Variants in CALML4 observed in about 807,000 individuals in gnomAD.
CALML4 encodes calmodulin-like protein 4.
A neutral mutation model predicts 17.9 loss-of-function variants in CALML4; 16 were observed. The ratio of observed to expected loss-of-function variants is 0.89; its 90% CI spans 0.61 to 1.36. The LOEUF (loss-of-function observed/expected upper bound fraction) is 1.36. CALML4 is among the 40% of genes most tolerant of loss of function. The pLI is 0.00. For missense variants in CALML4, 203 were observed against 194.8 expected, an observed-to-expected ratio of 1.04 and a Z score of -0.25; for synonymous variants, 86 against 71.5, an observed-to-expected ratio of 1.20 and a Z score of -1.02.
In CALML4 at chr15:68,200,132, C is replaced by A. The variant is rs948117738; in HGVS notation, c.35-451G>T. On this transcript the variant is annotated intron_variant, in intron 2 of 4. Coordinates refer to ENST00000467889, the MANE Select transcript of CALML4 (RefSeq NM_033429.3). The surrounding 1 kb of genome is among the most constrained non-coding windows in gnomAD (Gnocchi z 4.3). ...AGGAACCCACAGCAAGGCGTCCAGA[C>A]CCCCAGGGGACCTCTGCAAACACAA... is the stretch of plus-strand genomic sequence containing the variant. Among the ~76,000 whole-genome samples the A allele has an allele frequency of 6.6e-6, 1 of 152,152 alleles. No individual in the cohort carries two copies. The highest frequency in any genetic ancestry group is 1.5e-5 in the Non-Finnish European group (1 of 68,044).
intron 4 of CALML4, among the ~76,000 whole-genome samples, chr15:68,194,802 T>G (rs995108211): frequency 7.9e-5 from 12 of 151,972 alleles, no homozygotes; most frequent in Non-Finnish European, 1.8e-4. Flanking sequence ...AGAGCGAACA[T>G]CCTCCACAGT....
chr15:68,194,556 G>C (rs551972505), intron 4 of CALML4, among the ~76,000 whole-genome samples: 1 of 152,032 alleles, frequency 6.6e-6, no homozygotes, highest in African/African-American at 2.4e-5. Context: ...GCTAATTTTT[G>C]TATTTTTAGT....
At chr15:68,205,655 G>A (rs563849483), upstream of CALML4, 40 of 433,836 alleles carry the variant, frequency 9.2e-5, no homozygotes, top group South Asian at 6.7e-4. The surrounding 1 kb of genome is among the most constrained non-coding windows in gnomAD (Gnocchi z 4.8). Context: ...ACCCCGGGTC[G>A]TATTGAAGGC....
At chr15:68,194,467 T>G (rs577283464) in intron 4 of CALML4, among the ~76,000 whole-genome samples, 1 of 150,298 alleles carries the variant, frequency 6.7e-6, no homozygotes, top group African/African-American at 2.5e-5. Flanking sequence ...CACTGCAACC[T>G]CCGCCTCCCA....
rs1369046882 is a variant in CALML4, at chr15:68,197,120, T to G, written c.364+320A>C. 1.4e-5 allele frequency among the ~76,000 whole-genome samples: 2 copies of G among 146,036 alleles called. No homozygotes were observed. Among genetic ancestry groups the G allele is most frequent in the Non-Finnish European group, 3.1e-5 (2 of 65,546 alleles). On this transcript the variant is annotated intron_variant, in intron 4 of 4. Coordinates refer to ENST00000467889, the MANE Select transcript of CALML4 (RefSeq NM_033429.3). The surrounding 1 kb of genome is among the most constrained non-coding windows in gnomAD (Gnocchi z 4.1). ...GCTCCCAGGGGTGTCATGCACTAGA[T>G]GAAGCCCCACAGTGAGAGCTTGAAC...
At chr15:68,203,847 C>T (rs1458126688) in intron 2 of CALML4, among the ~76,000 whole-genome samples, 1 of 152,192 alleles carries the variant, frequency 6.6e-6, no homozygotes, top group Non-Finnish European at 1.5e-5. Context: ...ACTCATTAAA[C>T]ACTGGTGGCC....
At position 68,199,696 on chromosome 15, in the gene CALML4, G is replaced by A; in HGVS notation, c.35-15C>T. On this transcript the variant is annotated splice_polypyrimidine_tract_variant and intron_variant, in intron 2 of 4. Transcript: ENST00000467889. Reference sequence around the variant, plus strand: ...TTCCTTGTACTCTGCACACGGCCCAGAGGGAGGGTCAGCAGCGTCTGGTCA... The same window carrying A: ...TTCCTTGTACTCTGCACACGGCCCAAAGGGAGGGTCAGCAGCGTCTGGTCA... 6.2e-7 allele frequency: 1 copy of A among 1,609,602 alleles called. No homozygotes were observed. The highest frequency in any genetic ancestry group is 8.5e-7 in the Non-Finnish European group (1 of 1,177,826).
rs576718462 is a variant in CALML4, at chr15:68,193,751, A to G, written c.*264T>C. The G allele has an allele frequency of 2.7e-5, 10 of 372,722 alleles. No homozygotes were observed. Among genetic ancestry groups the G allele is most frequent in the Non-Finnish European group, 3.4e-5 (7 of 203,534 alleles). The allele number at this position is 372,722 out of a possible 1,614,324, so 23.1% of individuals were successfully genotyped here. ...GAGCCAGGACTGGAACCCAGGCCAG[A>G]CTCCAAACCGCAGGCTCCTTCCATG... On this transcript the variant is annotated 3_prime_UTR_variant, in exon 5 of 5. Transcript: ENST00000467889.
chr15:68,197,677 T>C lies in CALML4; in HGVS notation c.176-49A>G, dbSNP rs373257031. 3.2e-6 allele frequency: 5 copies of C among 1,573,240 alleles called. No homozygotes were observed. Among genetic ancestry groups the C allele is most frequent in the Non-Finnish European group, 4.3e-6 (5 of 1,154,208 alleles). On this transcript the variant is annotated intron_variant, in intron 3 of 4. Transcript: ENST00000467889. The surrounding 1 kb of genome is among the most constrained non-coding windows in gnomAD (Gnocchi z 4.1). ...GAGTGAGCAGAGGGAAAAAGACTCCTAGGAAGCCAGCTGGCCTCCTGCTGG... is the reference window on the plus strand; with the variant it reads ...GAGTGAGCAGAGGGAAAAAGACTCCCAGGAAGCCAGCTGGCCTCCTGCTGG...
chr15:68,199,581 C>G lies in CALML4; in HGVS notation c.135G>C (p.Thr45=), dbSNP rs200561076. The G allele has an allele frequency of 1.2e-5, 19 of 1,613,684 alleles. No individual in the cohort carries two copies. The African/African-American group carries it at 2.4e-4, about 20-fold the overall frequency. Reference sequence around the variant, plus strand: ...GCAGGTGCCGCTGCACCTCCCCTGGCGTCGGGCTGGCCCCCAGGCACCTCA... The same window carrying G: ...GCAGGTGCCGCTGCACCTCCCCTGGGGTCGGGCTGGCCCCCAGGCACCTCA... ...VAMRCLGASP[T]PGEVQRHLQT... The change falls in exon 3 of 5, where the codon ACG becomes ACC. Residue 45 remains threonine, a synonymous_variant. Transcript: ENST00000467889.
At position 68,204,232 on chromosome 15, in the gene CALML4, C is replaced by T. The variant is rs1156734604; in HGVS notation, c.34+889G>A. Among the ~76,000 whole-genome samples the T allele has an allele frequency of 6.6e-6, 1 of 152,214 alleles. No homozygotes were observed. The highest frequency in any genetic ancestry group is 1.9e-4 in the East Asian group (1 of 5,198). On this transcript the variant is annotated intron_variant, in intron 2 of 4. Coordinates refer to ENST00000467889, the MANE Select transcript of CALML4 (RefSeq NM_033429.3). The surrounding 1 kb of genome is among the most constrained non-coding windows in gnomAD (Gnocchi z 6.0). ...CCCAGGTAACCCTAACCCCACTTGG[C>T]TGGGCTCTCAGGACCCTACCCTGGA...
chr15:68,194,005 T>G lies in CALML4; in HGVS notation c.*10A>C. ...TTCAGGCCCAGGGGAGGCTCTCCCATTCTCCTCCTTCAATAGTCCCGTCCA... is the reference window on the plus strand; with the variant it reads ...TTCAGGCCCAGGGGAGGCTCTCCCAGTCTCCTCCTTCAATAGTCCCGTCCA... On this transcript the variant is annotated 3_prime_UTR_variant, in exon 5 of 5. Coordinates refer to ENST00000467889, the MANE Select transcript of CALML4 (RefSeq NM_033429.3). 3.8e-6 allele frequency: 6 copies of G among 1,596,058 alleles called. No individual in the cohort carries two copies. Among genetic ancestry groups the G allele is most frequent in the Non-Finnish European group, 5.2e-6 (6 of 1,164,008 alleles).
upstream of CALML4, chr15:68,205,524 C>T: frequency 1.1e-6 from 1 of 931,112 alleles, no homozygotes; most frequent in Non-Finnish European, 1.6e-6. This position sits in a 1 kb window ranked among gnomAD's most constrained non-coding sequence, Gnocchi z 4.8. Flanking sequence ...GAAGCCGAAG[C>T]AAAGGGACAA....
upstream of CALML4, chr15:68,205,380 G>T: frequency 6.2e-7 from 1 of 1,613,596 alleles, no homozygotes; most frequent in Non-Finnish European, 8.5e-7. The surrounding 1 kb of genome is among the most constrained non-coding windows in gnomAD (Gnocchi z 4.8). Flanking sequence ...CTGCCATGGA[G>T]ACTGGGCCCG....
rs1171891635 is a variant in CALML4 at position 68,197,540 on chromosome 15, T to A, written c.264A>T (p.Leu88=). Reference sequence around the variant, plus strand: ...TCTCCTTGTCCACCATCAACATGGCTAGAAGAATTTCTTTCTTTGGGTCTT... The same window carrying A: ...TCTCCTTGTCCACCATCAACATGGCAAGAAGAATTTCTTTCTTTGGGTCTT... ...KQEDPKKEIL[L]AMLMVDKEKK... is the part of the protein sequence containing the mutation. The change falls in exon 4 of 5, where the codon CTA becomes CTT. Residue 88 remains leucine, a synonymous_variant. Coordinates refer to ENST00000467889, the MANE Select transcript of CALML4 (RefSeq NM_033429.3). The surrounding 1 kb of genome is among the most constrained non-coding windows in gnomAD (Gnocchi z 4.1). 4.3e-6 allele frequency: 7 copies of A among 1,614,142 alleles called. No homozygotes were observed. The highest frequency in any genetic ancestry group is 5.9e-6 in the Non-Finnish European group (7 of 1,180,020).
rs368242242 is a variant in CALML4, at chr15:68,197,495, C to T, written c.309G>A (p.Ala103=). Residue 103 remains alanine (A), a synonymous_variant, in exon 4 of 5, where the codon GCG becomes GCA. Coordinates refer to ENST00000467889, the MANE Select transcript of CALML4 (RefSeq NM_033429.3). The surrounding 1 kb of genome is among the most constrained non-coding windows in gnomAD (Gnocchi z 4.1). The part of the protein sequence containing the change: ...VDKEKKGYVM[A]SDLRSKLTSL... Reference sequence around the variant, plus strand: ...TCGTGAGTTTTGACCGCAGGTCGGACGCCATGACGTAACCTTTCTTCTCCT... The same window carrying T: ...TCGTGAGTTTTGACCGCAGGTCGGATGCCATGACGTAACCTTTCTTCTCCT... 1.7e-5 allele frequency: 27 copies of T among 1,614,000 alleles called. No individual in the cohort carries two copies. Among genetic ancestry groups the T allele is most frequent in the East Asian group, 8.9e-5 (4 of 44,872 alleles).
At chr15:68,198,887 C>T (rs1028330230) in intron 3 of CALML4, among the ~76,000 whole-genome samples, 6 of 152,282 alleles carry the variant, frequency 3.9e-5, no homozygotes, top group Admixed American at 6.5e-5. Context: ...GAAAGCTGGG[C>T]GCAGTGGCTC....
In CALML4 at chr15:68,194,010, C is replaced by G. The variant is rs2093131896; in HGVS notation, c.*5G>C. The G allele has an allele frequency of 6.2e-7, 1 of 1,608,726 alleles. No homozygotes were observed. On this transcript the variant is annotated 3_prime_UTR_variant, in exon 5 of 5. Coordinates refer to ENST00000467889, the MANE Select transcript of CALML4 (RefSeq NM_033429.3). ...GCCCAGGGGAGGCTCTCCCATTCTC[C>G]TCCTTCAATAGTCCCGTCCAGGAAG...
upstream of CALML4, chr15:68,205,624 T>C (rs2093180959): frequency 7.7e-6 from 4 of 521,168 alleles, no homozygotes; most frequent in Non-Finnish European, 1.4e-5. The surrounding 1 kb of genome is among the most constrained non-coding windows in gnomAD (Gnocchi z 4.8). Flanking sequence ...ATCAGGCCCC[T>C]ACTAGAGTTG....
Sources: gnomAD v4.1 joint callset for allele counts (sites outside exome capture counted in the v4.1 genomes callset) on GRCh38, gnomAD v4.1.1 for gene constraint, Gnocchi (gnomAD v3.1) non-coding constraint, MANE v1.5 for transcripts, NCBI Gene and HGNC (gene_info 2026-07-23, HGNC 2026-07-21) for gene names.